NRG1: variants seen among roughly 807,000 people sequenced by gnomAD.
NRG1 encodes the protein neuregulin 1.
In NRG1, 18 loss-of-function variants were observed where a neutral mutation model predicts 63.8. That is an observed-to-expected ratio of 0.28 (90% CI 0.19 to 0.42). NRG1 has a LOEUF of 0.42. Ranked by LOEUF, NRG1 falls within the 10% of genes least tolerant of loss-of-function variation. The pLI is 1.00. For missense variants in NRG1, 762 were observed against 814.7 expected, an observed-to-expected ratio of 0.94 and a Z score of 0.79; for synonymous variants, 302 against 301.3, an observed-to-expected ratio of 1.00 and a Z score of -0.02.
chr8:32,354,137 G>A (rs1806021815), intron 1 of NRG1, among the ~76,000 whole-genome samples: 1 of 152,152 alleles, frequency 6.6e-6, no homozygotes, highest in Non-Finnish European at 1.5e-5. Flanking sequence ...GGGAGGCTGA[G>A]GTGGGCAGAT....
At chr8:32,655,660 A>C (rs1411152774) in intron 5 of NRG1, among the ~76,000 whole-genome samples, 1 of 152,160 alleles carries the variant, frequency 6.6e-6, no homozygotes, top group African/African-American at 2.4e-5. Flanking sequence ...TCATAAAAGG[A>C]GTATTTTTTC....
chr8:32,316,559 ATCT>A (rs1267264806), intron 1 of NRG1, among the ~76,000 whole-genome samples: 2 of 151,902 alleles, frequency 1.3e-5, no homozygotes, highest in Non-Finnish European at 2.9e-5. Context: ...CGGGAAGCAA[ATCT>A]TCTCTCTCTC....
chr8:31,832,943 G>C (rs762851287), intron 1 of NRG1, among the ~76,000 whole-genome samples: 3 of 152,164 alleles, frequency 2.0e-5, no homozygotes, highest in Non-Finnish European at 2.9e-5. Flanking sequence ...CCTGAGAACT[G>C]TCTCTTTAGG....
At chr8:32,359,149 C>T (rs913561284) in intron 1 of NRG1, among the ~76,000 whole-genome samples, 7 of 151,974 alleles carry the variant, frequency 4.6e-5, no homozygotes, top group Non-Finnish European at 8.8e-5. Flanking sequence ...TTCTCAGTTT[C>T]GTTATTTGTA....
At chr8:31,680,568 CTT>C (rs1354418177) in intron 1 of NRG1, among the ~76,000 whole-genome samples, 1 of 150,264 alleles carries the variant, frequency 6.7e-6, no homozygotes, top group Non-Finnish European at 1.5e-5. Context: ...GGTTCCAAGT[CTT>C]TGCTATTGTG....
At chr8:32,144,699 G>A (rs1418179534) in intron 1 of NRG1, among the ~76,000 whole-genome samples, 2 of 152,022 alleles carry the variant, frequency 1.3e-5, no homozygotes, top group East Asian at 1.9e-4. Flanking sequence ...ATCTAAAAAC[G>A]TCAAGCTGGG....
chr8:32,297,321 C>A (rs1478911422), intron 1 of NRG1, among the ~76,000 whole-genome samples: 1 of 152,036 alleles, frequency 6.6e-6, no homozygotes, highest in Non-Finnish European at 1.5e-5. Context: ...CTGAATAAAA[C>A]CATAAATAGA....
At chr8:32,293,019 G>A (rs999475247) in intron 1 of NRG1, among the ~76,000 whole-genome samples, 2 of 152,104 alleles carry the variant, frequency 1.3e-5, no homozygotes, top group African/African-American at 4.8e-5. Context: ...CAGGAGAATC[G>A]CTTGAACCTG....
intron 1 of NRG1, among the ~76,000 whole-genome samples, chr8:32,036,143 C>T (rs1354788111): frequency 1.3e-5 from 2 of 152,200 alleles, no homozygotes; most frequent in African/African-American, 4.8e-5. Context: ...CAAACTCCCT[C>T]AGCATTTGCT....
intron 1 of NRG1, among the ~76,000 whole-genome samples, chr8:32,199,020 AG>A (rs1343784114): frequency 1.3e-5 from 2 of 152,206 alleles, no homozygotes; most frequent in East Asian, 3.9e-4. Flanking sequence ...TTCACTGCAG[AG>A]CCAAGTAGTA....
intron 1 of NRG1, among the ~76,000 whole-genome samples, chr8:31,691,252 G>T (rs182003693): frequency 3.3e-5 from 5 of 152,248 alleles, no homozygotes; most frequent in African/African-American, 1.2e-4. Context: ...GTGAAAAACA[G>T]AATCAACTGT....
At chr8:32,578,971 T>A (rs894667136) in intron 1 of NRG1, among the ~76,000 whole-genome samples, 4 of 152,130 alleles carry the variant, frequency 2.6e-5, no homozygotes, top group African/African-American at 9.7e-5. Flanking sequence ...AATTTTTAGG[T>A]TTATTAAATT....
intron 1 of NRG1, among the ~76,000 whole-genome samples, chr8:31,924,215 C>A (rs560619877): frequency 6.6e-6 from 1 of 151,674 alleles, no homozygotes; most frequent in Admixed American, 6.6e-5. Flanking sequence ...TCTAACCGGG[C>A]GTAGTGGTGC....
At chr8:32,366,978 C>T (rs1808148896) in intron 1 of NRG1, among the ~76,000 whole-genome samples, 1 of 151,990 alleles carries the variant, frequency 6.6e-6, no homozygotes. Flanking sequence ...TCCCAAAGTG[C>T]TGGGATTACA....
At chr8:31,957,749 T>C (rs1413311771) in intron 1 of NRG1, among the ~76,000 whole-genome samples, 1 of 152,200 alleles carries the variant, frequency 6.6e-6, no homozygotes, top group Non-Finnish European at 1.5e-5. Flanking sequence ...GGCTCCTGTA[T>C]TGGATGACAC....
Position 31,640,201 on chromosome 8 carries a change from C to A in NRG1, c.37+770C>A, listed in dbSNP as rs1585336425. ...GTCCCCGCCCAGCGTGGGATCGGTGCAGGAGCTAGCTCAGCGCGCCGCGGT... is the reference window on the plus strand; with the variant it reads ...GTCCCCGCCCAGCGTGGGATCGGTGAAGGAGCTAGCTCAGCGCGCCGCGGT... On this transcript the variant is annotated intron_variant, in intron 1 of 10. Transcript: ENST00000519301. The surrounding 1 kb of genome is among the most constrained non-coding windows in gnomAD (Gnocchi z 6.3). The A allele has an allele frequency of 3.1e-5, 36 of 1,172,118 alleles. No homozygotes were observed. The highest frequency in any genetic ancestry group is 3.6e-5 in the Non-Finnish European group (34 of 948,200). 72.6% of individuals were successfully genotyped at this position (1,172,118 alleles called of 1,614,324 possible).
intron 1 of NRG1, among the ~76,000 whole-genome samples, chr8:32,499,361 A>G (rs1297073389): frequency 1.3e-5 from 2 of 152,202 alleles, no homozygotes; most frequent in Non-Finnish European, 2.9e-5. Flanking sequence ...TTGAGTCCAG[A>G]AGGCAGTTAG....
At chr8:32,243,699 T>G (rs1051317186) in intron 1 of NRG1, among the ~76,000 whole-genome samples, 2 of 152,088 alleles carry the variant, frequency 1.3e-5, no homozygotes, top group Non-Finnish European at 2.9e-5. Context: ...AATTCATATC[T>G]TGAAGGCCTA....
chr8:32,384,526 C>G (rs757931066), intron 1 of NRG1, among the ~76,000 whole-genome samples: 1 of 152,174 alleles, frequency 6.6e-6, no homozygotes, highest in African/African-American at 2.4e-5. Flanking sequence ...TGATTAACAT[C>G]ATTGTCTAGC....
Sources: gnomAD v4.1 joint callset for allele counts (sites outside exome capture counted in the v4.1 genomes callset) on GRCh38, gnomAD v4.1.1 for gene constraint, Gnocchi (gnomAD v3.1) non-coding constraint, MANE v1.5 for transcripts, NCBI Gene and HGNC (gene_info 2026-07-23, HGNC 2026-07-21) for gene names.